The following ESCO1 variants were observed in gnomAD, a reference collection of about 807,000 sequenced individuals.
ESCO1 encodes the protein N-acetyltransferase ESCO1.
A neutral mutation model predicts 83.5 loss-of-function variants in ESCO1; 33 were observed. The observed-to-expected ratio is 0.40, with a 90% CI of 0.30 to 0.53. The LOEUF is 0.53. ESCO1 is among the 20% of genes least tolerant of loss of function. The pLI, the probability that ESCO1 is intolerant of heterozygous loss-of-function variation, is 0.63. For missense variants in ESCO1, 855 were observed against 968.0 expected (o/e 0.88, Z 1.55); for synonymous variants, 332 against 324.3 (o/e 1.02, Z -0.25).
chr18:21,553,971 TAAATA>T (rs1466772643), intron 8 of ESCO1, among the ~76,000 whole-genome samples: 2 of 148,154 alleles, frequency 1.3e-5, no homozygotes, highest in African/African-American at 2.5e-5. Context: ...AAAATTAAAA[TAAATA>T]AAATAAAAAA....
At chr18:21,563,713 T>TA (rs2038220035) in intron 7 of ESCO1, among the ~76,000 whole-genome samples, 1 of 152,212 alleles carries the variant, frequency 6.6e-6, no homozygotes, top group South Asian at 2.1e-4. Flanking sequence ...TGAATGAATT[T>TA]ATTCTTTAAA....
In ESCO1 at chr18:21,593,811, TAA is replaced by T. The variant is rs10719508; in HGVS notation, c.-825+6810_-825+6811del. Among the ~76,000 whole-genome samples, 1,085 of 142,734 alleles carry T rather than the reference TAA, an allele frequency of 7.6e-3. 7 individuals are homozygous for T. Among genetic ancestry groups the T allele is most frequent in the East Asian group, 0.037 (180 of 4,880 alleles). 93.6% of individuals were successfully genotyped at this position (142,734 alleles called of 152,430 possible). On this transcript the variant is annotated intron_variant, in intron 1 of 11. Transcript: ENST00000269214. The stretch of plus-strand genomic sequence containing the variant: ...CTGCCATGGCCACAGGCACCTCCTT[TAA>T]AAAAAAAAAAAAAACCTTAGACAAT...
chr18:21,561,784 T>A (rs1477604732), intron 7 of ESCO1, among the ~76,000 whole-genome samples: 1 of 152,150 alleles, frequency 6.6e-6, no homozygotes, highest in Non-Finnish European at 1.5e-5. Context: ...TTGCCCAGGC[T>A]GGTCTAGAAC....
chr18:21,555,226 A>C (rs1037668278), intron 8 of ESCO1, among the ~76,000 whole-genome samples: 2 of 152,252 alleles, frequency 1.3e-5, no homozygotes, highest in African/African-American at 2.4e-5. Context: ...AACTATGGAG[A>C]CATTAAAAAG....
intron 8 of ESCO1, among the ~76,000 whole-genome samples, chr18:21,551,822 TAC>T (rs1282975350): frequency 1.3e-5 from 2 of 152,140 alleles, no homozygotes; most frequent in African/African-American, 2.4e-5. Flanking sequence ...AACAGAAAAC[TAC>T]AGTTTCAAAC....
At chr18:21,571,759 A>G (rs1435914470) in intron 4 of ESCO1, among the ~76,000 whole-genome samples, 1 of 152,180 alleles carries the variant, frequency 6.6e-6, no homozygotes, top group Non-Finnish European at 1.5e-5. Context: ...CCTGAATAAA[A>G]AGCCACTACA....
At chr18:21,556,189 G>C (rs1175561702) in intron 8 of ESCO1, among the ~76,000 whole-genome samples, 1 of 152,106 alleles carries the variant, frequency 6.6e-6, no homozygotes, top group Non-Finnish European at 1.5e-5. Context: ...AGGAGTTTGA[G>C]GCTACAGTGA....
In ESCO1 at chr18:21,536,108, T is replaced by C; in HGVS notation, c.2121A>G (p.Lys707=). The C allele has an allele frequency of 6.2e-7, 1 of 1,614,184 alleles. No homozygotes were observed. The highest frequency in any genetic ancestry group is 8.5e-7 in the Non-Finnish European group (1 of 1,180,022). Reference sequence around the variant, plus strand: ...TGTCATTGGAAATGAAGAGAAGTGTTTTAGTTCTGGAATAGCACATTAGTG... The same window carrying C: ...TGTCATTGGAAATGAAGAGAAGTGTCTTAGTTCTGGAATAGCACATTAGTG... ...QAPLMCYSRT[K]TLLFISNDKK... is the part of the protein sequence containing the mutation. The change falls in exon 10 of 12, where the codon AAA becomes AAG. Residue 707 remains lysine (K), a synonymous_variant. Coordinates refer to ENST00000269214, the MANE Select transcript of ESCO1 (RefSeq NM_052911.3).
chr18:21,578,225 A>T (rs1026969136), intron 2 of ESCO1, among the ~76,000 whole-genome samples: 1 of 152,210 alleles, frequency 6.6e-6, no homozygotes, highest in Admixed American at 6.5e-5. Flanking sequence ...ACAAAATTAG[A>T]GACAAAAACT....
intron 7 of ESCO1, among the ~76,000 whole-genome samples, chr18:21,561,286 T>A (rs1164309499): frequency 6.6e-6 from 1 of 152,206 alleles, no homozygotes; most frequent in Non-Finnish European, 1.5e-5. Flanking sequence ...ACTCTATGAA[T>A]GAGAACTAAT....
intron 1 of ESCO1, among the ~76,000 whole-genome samples, chr18:21,595,497 G>T (rs183578074): frequency 8.2e-4 from 124 of 150,456 alleles, no homozygotes; most frequent in African/African-American, 2.5e-3. Flanking sequence ...GTGAAACCCC[G>T]TCTCTACTAA....
rs1337804496 is a variant in ESCO1 at position 21,574,471 on chromosome 18, G to C, written c.373C>G (p.Leu125Val). ...NEQLNRRSQR[L>V]QQLTEVSRRS... is the part of the protein sequence containing the mutation. ...CTTGAAACCTCTGTTAATTGTTGTA[G>C]CCTTTGTGATCTCCGGTTAAGCTGT... is the stretch of plus-strand genomic sequence containing the variant. Residue 125 changes from leucine to valine, a missense_variant, in exon 4 of 12, where the codon CTA (leucine) becomes GTA (valine). Around this residue, in one of 2 missense-constraint regions of ESCO1, gnomAD observed 726 missense variants for 699.5 expected, o/e 1.04. Transcript: ENST00000269214. 1 of 1,614,020 alleles carries C rather than the reference G, an allele frequency of 6.2e-7. No individual in the cohort carries two copies. The highest frequency in any genetic ancestry group is 1.3e-5 in the African/African-American group (1 of 75,012).
intron 1 of ESCO1, among the ~76,000 whole-genome samples, 155 bp downstream of exon 1, chr18:21,600,468 C>A (rs945444586): frequency 1.3e-5 from 2 of 152,204 alleles, no homozygotes; most frequent in Non-Finnish European, 2.9e-5. Flanking sequence ...CCCAGGGGCG[C>A]GAAGAGCTGG....
At chr18:21,586,472 A>G (rs941083091) in intron 1 of ESCO1, among the ~76,000 whole-genome samples, 1 of 152,234 alleles carries the variant, frequency 6.6e-6, no homozygotes, top group African/African-American at 2.4e-5. Context: ...CAGTGCCACA[A>G]TGAACATGGG....
chr18:21,539,295 G>A (rs1038359116), intron 9 of ESCO1, among the ~76,000 whole-genome samples: 5 of 151,784 alleles, frequency 3.3e-5, no homozygotes, highest in Admixed American at 2.6e-4. Flanking sequence ...ATTTCTGATC[G>A]TGAAATCTTT....
intron 2 of ESCO1, among the ~76,000 whole-genome samples, chr18:21,578,050 C>T (rs2038444139): frequency 6.6e-6 from 1 of 152,130 alleles, no homozygotes. Context: ...CGCTAAGACA[C>T]ACACACAAAC....
intron 4 of ESCO1, 22 bp downstream of exon 4, chr18:21,573,292 G>C (rs1296011059): frequency 5.9e-6 from 9 of 1,536,032 alleles, no homozygotes; most frequent in Non-Finnish European, 7.0e-6. Context: ...CACCTCTATT[G>C]TGCATAATAA....
Position 21,574,085 on chromosome 18 carries a change from A to G in ESCO1, c.759T>C (p.Thr253=). 6.2e-7 allele frequency: 1 copy of G among 1,612,986 alleles called. No individual in the cohort carries two copies. The highest frequency in any genetic ancestry group is 8.5e-7 in the Non-Finnish European group (1 of 1,180,006). The change falls in exon 4 of 12, where the codon ACT becomes ACC. Residue 253 remains threonine (T), a synonymous_variant. Coordinates refer to ENST00000269214, the MANE Select transcript of ESCO1 (RefSeq NM_052911.3). The part of the protein sequence containing the change: ...TSEVKRSKMA[T]SVVPKKNEMK... ...TCTCATTCTTTTTCGGGACCACTGA[A>G]GTAGCCATTTTTGATCTTTTCACCT... is the stretch of plus-strand genomic sequence containing the variant.
chr18:21,573,279 C>T lies in ESCO1; in HGVS notation c.1530+35G>A, dbSNP rs141012154. The T allele has an allele frequency of 4.6e-5, 68 of 1,480,730 alleles. No homozygotes were observed. The African/African-American group carries it at 8.5e-4, about 18-fold the overall frequency. 91.7% of individuals were successfully genotyped at this position (1,480,730 alleles called of 1,614,324 possible). A position where few individuals can be genotyped will look rare whatever the true frequency, so the allele number is the denominator to read the frequency against. ...AAGACATTTCTTACAGAAAATATTTCGGCACCTCTATTGTGCATAATAAAA... is the reference window on the plus strand; with the variant it reads ...AAGACATTTCTTACAGAAAATATTTTGGCACCTCTATTGTGCATAATAAAA... On this transcript the variant is annotated intron_variant, in intron 4 of 11. Coordinates refer to ENST00000269214, the MANE Select transcript of ESCO1 (RefSeq NM_052911.3).
Sources: allele counts gnomAD v4.1 joint callset (sites outside exome capture counted in the v4.1 genomes callset), GRCh38; gene constraint gnomAD v4.1.1; regional missense constraint gnomAD v4.1.1; transcripts MANE v1.5; gene names NCBI Gene and HGNC (gene_info 2026-07-23, HGNC 2026-07-21).